The following PLA2G4A variants were observed in gnomAD, a reference collection of about 807,000 sequenced individuals.
PLA2G4A encodes cytosolic phospholipase A2.
In PLA2G4A, 40 loss-of-function variants were observed where a neutral mutation model predicts 81.9. The ratio of observed to expected loss-of-function variants is 0.49; its 90% confidence interval spans 0.38 to 0.64. PLA2G4A has a LOEUF of 0.64. PLA2G4A is among the 30% of genes least tolerant of loss of function. PLA2G4A has a pLI of 0.00. For missense variants in PLA2G4A, 715 were observed against 905.1 expected (o/e 0.79, Z 2.69); for synonymous variants, 302 against 296.9 (o/e 1.02, Z -0.18).
At chr1:186,907,988 C>A (rs1051496464) in intron 6 of PLA2G4A, among the ~76,000 whole-genome samples, 1 of 151,986 alleles carries the variant, frequency 6.6e-6, no homozygotes, top group African/African-American at 2.4e-5. Flanking sequence ...TTTTGTTTAG[C>A]GGGGAATAGT....
intron 7 of PLA2G4A, among the ~76,000 whole-genome samples, chr1:186,929,893 C>A (rs1336653768): frequency 6.6e-6 from 1 of 152,074 alleles, no homozygotes; most frequent in Non-Finnish European, 1.5e-5. Context: ...GAAACCTTGT[C>A]TTTACAAAAA....
chr1:186,974,663 A>C (rs1341861145), intron 15 of PLA2G4A, among the ~76,000 whole-genome samples: 1 of 152,262 alleles, frequency 6.6e-6, no homozygotes, highest in African/African-American at 2.4e-5. Context: ...CAAAATGGAT[A>C]GCTATCATAG....
chr1:186,956,049 C>A, intron 13 of PLA2G4A, 53 bp from the exon 14 acceptor site: 1 of 1,567,262 alleles, frequency 6.4e-7, no homozygotes, highest in African/African-American at 1.4e-5. Flanking sequence ...CCAAAGATCC[C>A]TTTTTAAACA....
At chr1:186,981,559 TATAAA>T (rs1657718405) in intron 17 of PLA2G4A, among the ~76,000 whole-genome samples, 1 of 152,216 alleles carries the variant, frequency 6.6e-6, no homozygotes, top group South Asian at 2.1e-4. Flanking sequence ...TTTTTATTGT[TATAAA>T]ATATACAAAA....
chr1:186,966,700 G>A (rs895103991), intron 15 of PLA2G4A, among the ~76,000 whole-genome samples: 2 of 152,078 alleles, frequency 1.3e-5, no homozygotes, highest in Admixed American at 6.6e-5. Context: ...CCTCTGCCTG[G>A]AATACTCAAA....
intron 17 of PLA2G4A, among the ~76,000 whole-genome samples, chr1:186,984,251 C>A (rs1311497384): frequency 6.6e-6 from 1 of 152,104 alleles, no homozygotes; most frequent in African/African-American, 2.4e-5. Context: ...ATAGTACATG[C>A]CTGCCCACGT....
At chr1:186,831,834 T>A (rs1328031810) in intron 1 of PLA2G4A, among the ~76,000 whole-genome samples, 2 of 152,156 alleles carry the variant, frequency 1.3e-5, no homozygotes, top group Non-Finnish European at 2.9e-5. Context: ...TGTATATACA[T>A]GTTTATATGT....
intron 12 of PLA2G4A, among the ~76,000 whole-genome samples, chr1:186,948,863 G>A (rs1308447712): frequency 6.6e-6 from 1 of 152,126 alleles, no homozygotes; most frequent in African/African-American, 2.4e-5. Flanking sequence ...CTCAGATTAA[G>A]TAAGGATTTC....
intron 2 of PLA2G4A, among the ~76,000 whole-genome samples, chr1:186,857,491 CAT>C (rs1314012112): frequency 8.0e-6 from 1 of 124,614 alleles, no homozygotes; most frequent in African/African-American, 3.1e-5. Context: ...CAATATATAA[CAT>C]AATATACTAT....
At chr1:186,966,762 G>A (rs1657147641) in intron 15 of PLA2G4A, among the ~76,000 whole-genome samples, 1 of 152,086 alleles carries the variant, frequency 6.6e-6, no homozygotes, top group Non-Finnish European at 1.5e-5. Context: ...CCACATATAT[G>A]GTTAAAGTGC....
At chr1:186,845,339 A>G (rs1310184671) in intron 1 of PLA2G4A, among the ~76,000 whole-genome samples, 1 of 152,178 alleles carries the variant, frequency 6.6e-6, no homozygotes, top group Non-Finnish European at 1.5e-5. Flanking sequence ...TATTTTGTAC[A>G]TTTATGGCCT....
intron 7 of PLA2G4A, among the ~76,000 whole-genome samples, chr1:186,922,288 G>T (rs954653403): frequency 1.3e-5 from 2 of 152,160 alleles, no homozygotes; most frequent in African/African-American, 4.8e-5. Flanking sequence ...CAGACCCAAA[G>T]TATCAAGCAA....
intron 15 of PLA2G4A, among the ~76,000 whole-genome samples, chr1:186,975,824 T>A (rs1657511069): frequency 6.6e-6 from 1 of 152,174 alleles, no homozygotes. Context: ...GCTAGCAAGT[T>A]TTAGGGTGTC....
intron 3 of PLA2G4A, among the ~76,000 whole-genome samples, chr1:186,885,432 A>G (rs1653902377): frequency 1.3e-5 from 2 of 152,190 alleles, no homozygotes; most frequent in Non-Finnish European, 2.9e-5. Context: ...AAAATGCAAT[A>G]GAGGCTATCA....
intron 3 of PLA2G4A, among the ~76,000 whole-genome samples, chr1:186,879,014 A>G (rs1653627372): frequency 6.6e-6 from 1 of 151,886 alleles, no homozygotes; most frequent in South Asian, 2.1e-4. Context: ...TTATTTTAGT[A>G]TATCTTAATA....
In PLA2G4A at chr1:186,847,429, G is replaced by A. The variant is rs547176539; in HGVS notation, c.-69-6857G>A. ...TAATTCTGCCCGGTTTTGTCAATGTGTTTGTTTTTCTGGGAGAGGATTTCC... is the reference window on the plus strand; with the variant it reads ...TAATTCTGCCCGGTTTTGTCAATGTATTTGTTTTTCTGGGAGAGGATTTCC... On this transcript the variant is annotated intron_variant, in intron 1 of 17. Coordinates refer to ENST00000367466, the MANE Select transcript of PLA2G4A (RefSeq NM_024420.3). 5.9e-4 allele frequency among the ~76,000 whole-genome samples: 90 copies of A among 151,720 alleles called. 1 individual carries two copies. Among genetic ancestry groups the A allele is most frequent in the African/African-American group, 2.0e-3 (83 of 41,364 alleles).
Position 186,988,363 on chromosome 1 carries a change from G to T in PLA2G4A, c.2119-14G>T. 6.2e-7 allele frequency: 1 copy of T among 1,603,916 alleles called. No homozygotes were observed. Among genetic ancestry groups the T allele is most frequent in the Non-Finnish European group, 8.5e-7 (1 of 1,171,666 alleles). On this transcript the variant is annotated splice_polypyrimidine_tract_variant and intron_variant, in intron 17 of 17. Coordinates refer to ENST00000367466, the MANE Select transcript of PLA2G4A (RefSeq NM_024420.3). Reference sequence around the variant, plus strand: ...TAGCAGCGCTAATTATACAACTTCTGTCTCTATTTGCAGGTGATAAAAGAA... The same window carrying T: ...TAGCAGCGCTAATTATACAACTTCTTTCTCTATTTGCAGGTGATAAAAGAA...
chr1:186,912,500 C>T (rs1359161430), intron 7 of PLA2G4A, among the ~76,000 whole-genome samples: 1 of 152,044 alleles, frequency 6.6e-6, no homozygotes, highest in Non-Finnish European at 1.5e-5. Context: ...GATACTTTTA[C>T]TGTCTCCATA....
intron 14 of PLA2G4A, among the ~76,000 whole-genome samples, chr1:186,957,973 T>C (rs897905585): frequency 2.6e-5 from 4 of 152,212 alleles, no homozygotes; most frequent in African/African-American, 7.2e-5. Flanking sequence ...CCAAAAAATT[T>C]TTCTACTGCC....
Sources: gnomAD v4.1 joint callset for allele counts (sites outside exome capture counted in the v4.1 genomes callset) on GRCh38, gnomAD v4.1.1 for gene constraint, MANE v1.5 for transcripts, NCBI Gene and HGNC (gene_info 2026-07-23, HGNC 2026-07-21) for gene names.